COL18A1: variants seen among roughly 807,000 people sequenced by gnomAD.
The protein encoded by COL18A1 is collagen type XVIII alpha 1 chain, also known as collagen alpha-1(XVIII) chain.
Under a neutral mutation model 168.0 loss-of-function variants are expected in COL18A1, and 133 were observed. The ratio of observed to expected loss-of-function variants is 0.79; its 90% CI spans 0.69 to 0.91. COL18A1 has a LOEUF of 0.91. Among genes scored for constraint, COL18A1 ranks in the 40% least tolerant of loss-of-function variants. COL18A1 has a pLI of 0.00. For missense variants in COL18A1, 2,126 were observed against 1,925.4 expected (o/e 1.10, Z -1.95); for synonymous variants, 949 against 809.0 (o/e 1.17, Z -2.94).
At chr21:45,418,726 C>T (rs2123531964) in intron 2 of COL18A1, among the ~76,000 whole-genome samples, 1 of 150,556 alleles carries the variant, frequency 6.6e-6, no homozygotes, top group Admixed American at 6.6e-5. Context: ...CACGTCACTT[C>T]CTGGGGTCTC....
intron 2 of COL18A1, among the ~76,000 whole-genome samples, chr21:45,439,888 TGGGA>T (rs1569290332): frequency 6.6e-6 from 1 of 151,986 alleles, no homozygotes; most frequent in African/African-American, 2.4e-5. Flanking sequence ...TAGCAAGGAG[TGGGA>T]ACTAGGCCTG....
intron 9 of COL18A1, 100 bp downstream of exon 9, chr21:45,478,453 G>GCTGTAC: frequency 2.0e-6 from 3 of 1,501,936 alleles, no homozygotes; most frequent in Non-Finnish European, 2.8e-6. Context: ...GCGACCCAGT[G>GCTGTAC]AGGAGACTGT....
chr21:45,469,547 G>C (rs2035340873), intron 3 of COL18A1, among the ~76,000 whole-genome samples: 1 of 152,238 alleles, frequency 6.6e-6, no homozygotes, highest in Non-Finnish European at 1.5e-5. Context: ...CCTCCAGTGG[G>C]CCTTCATTTC....
chr21:45,448,387 A>G (rs1747024431), intron 2 of COL18A1, among the ~76,000 whole-genome samples: 1 of 152,206 alleles, frequency 6.6e-6, no homozygotes, highest in African/African-American at 2.4e-5. Flanking sequence ...CACATCCGTG[A>G]TGCATATCCA....
intron 15 of COL18A1, among the ~76,000 whole-genome samples, chr21:45,484,195 GCACA>G (rs141493268): frequency 2.0e-5 from 2 of 100,958 alleles, no homozygotes; most frequent in African/African-American, 1.0e-4. Context: ...CAGCATATGT[GCACA>G]CACACATAGG....
In COL18A1 at chr21:45,485,993, G is replaced by A. The variant is rs557887853; in HGVS notation, c.1702-868G>A. Reference sequence around the variant, plus strand: ...CGAGGCTCAGGGAGCTTGTGGCTGCGAGGAGAGGGGTGGTTCAGCTGGGCC... The same window carrying A: ...CGAGGCTCAGGGAGCTTGTGGCTGCAAGGAGAGGGGTGGTTCAGCTGGGCC... On this transcript the variant is annotated intron_variant, in intron 15 of 41. Transcript: ENST00000651438. Among the ~76,000 whole-genome samples, 577 of 152,324 alleles carry A rather than the reference G, an allele frequency of 3.8e-3. 4 individuals are homozygous for A. The highest frequency in any genetic ancestry group is 0.013 in the African/African-American group (535 of 41,572).
At position 45,498,560 on chromosome 21, in the gene COL18A1, G is replaced by A; in HGVS notation, c.2683+899G>A. 3 of 716,934 alleles carry A rather than the reference G, an allele frequency of 4.2e-6. No individual in the cohort carries two copies. In the South Asian group the frequency reaches 4.4e-5, roughly 11 times the overall value. The allele number at this position is 716,934 out of a possible 1,614,324, so 44.4% of individuals were successfully genotyped here. On this transcript the variant is annotated intron_variant, in intron 32 of 41. Transcript: ENST00000651438. The surrounding 1 kb of genome is among the most constrained non-coding windows in gnomAD (Gnocchi z 4.5). The stretch of plus-strand genomic sequence containing the variant: ...TCTTGCTGGGGCTGCACTCTGGGGT[G>A]GGAAGGGACCAGGCAGGCAGAGGCC...
At chr21:45,489,613 C>T in intron 19 of COL18A1, 92 bp downstream of exon 19, 3 of 774,488 alleles carry the variant, frequency 3.9e-6, no homozygotes, top group Non-Finnish European at 6.2e-6. Context: ...GGGCGGCCTT[C>T]CCCGCTCTTC....
intron 15 of COL18A1, among the ~76,000 whole-genome samples, chr21:45,484,068 T>TCTCCAGCATATGTACACACACACACACC: frequency 0.018 from 692 of 38,030 alleles, 246 homozygotes; most frequent in African/African-American, 0.088. Flanking sequence ...ACACACACAC[T>TCTCCAGCATATGTACACACACACACACC]TCTCCAGCAT....
chr21:45,481,993 C>T lies in COL18A1; in HGVS notation c.1642C>T (p.Pro548Ser), dbSNP rs370509732. Residue 548 changes from proline (P) to serine (S), a missense_variant, in exon 14 of 42, where the codon CCC becomes TCC. Physicochemically the swap from Pro to Ser is moderately conservative, Grantham distance 74 (BLOSUM62 -1). Coordinates refer to ENST00000651438, the MANE Select transcript of COL18A1 (RefSeq NM_001379500.1). ...CCCAGGCCCTCCGGGAAGAGAGGGG[C>T]CCCCAGGAAGGACTGGGCAGAAAGG... ...GPPGPPGREG[P>S]PGRTGQKGSL... is the part of the protein sequence containing the mutation. 3.7e-5 allele frequency: 59 copies of T among 1,613,240 alleles called. No homozygotes were observed. Among genetic ancestry groups the T allele is most frequent in the Non-Finnish European group, 4.9e-5 (58 of 1,179,388 alleles).
At chr21:45,439,276 G>A (rs2034302356) in intron 2 of COL18A1, among the ~76,000 whole-genome samples, 1 of 152,224 alleles carries the variant, frequency 6.6e-6, no homozygotes, top group Admixed American at 6.5e-5. Flanking sequence ...GACCGCCCGA[G>A]TGGCCGTGGT....
Position 45,468,825 on chromosome 21 carries a change from CTGGGA to C in COL18A1, c.651+44_651+48del, listed in dbSNP as rs141013119. 8,313 of 651,684 alleles carry C rather than the reference CTGGGA, an allele frequency of 0.013. 398 individuals carry two copies. Among genetic ancestry groups the C allele is most frequent in the African/African-American group, 0.12 (7,171 of 57,890 alleles). 40.4% of individuals were successfully genotyped at this position (651,684 alleles called of 1,614,324 possible). ...TGCCGTCGCTGGGGGACTGGAGCAG[CTGGGA>C]TGGGGTGGGGTGGGGGTGGCCACTG... On this transcript the variant is annotated intron_variant, in intron 3 of 41. Coordinates refer to ENST00000651438, the MANE Select transcript of COL18A1 (RefSeq NM_001379500.1).
chr21:45,478,102 T>G (rs2035747050), intron 8 of COL18A1, 137 bp downstream of exon 8: 1 of 737,546 alleles, frequency 1.4e-6, no homozygotes, highest in African/African-American at 1.7e-5. Flanking sequence ...AGGCCCACCG[T>G]TGCTCGGGGT....
At chr21:45,412,007 G>A (rs1004133) in intron 2 of COL18A1, among the ~76,000 whole-genome samples, 78,308 of 151,950 alleles carry the variant, frequency 0.52, 21,987 homozygotes, top group Non-Finnish European at 0.62. Context: ...CTCTGGGAAC[G>A]TGGCGTTCAC....
chr21:45,490,880 C>T lies in COL18A1; in HGVS notation c.2067+9C>T, dbSNP rs1224262323. The T allele has an allele frequency of 6.5e-6, 10 of 1,549,680 alleles. No individual in the cohort carries two copies. The South Asian group carries it at 8.3e-5, about 13-fold the overall frequency. ...GCAGCCGGGGAGAAAAGGTGAGTGT[C>T]CCTGGGGCGGGTGGATGGGGATGGG... On this transcript the variant is annotated intron_variant, in intron 21 of 41. Coordinates refer to ENST00000651438, the MANE Select transcript of COL18A1 (RefSeq NM_001379500.1).
intron 2 of COL18A1, among the ~76,000 whole-genome samples, chr21:45,438,839 G>C (rs112684719): frequency 1.3e-5 from 2 of 152,390 alleles, no homozygotes; most frequent in African/African-American, 4.8e-5. Flanking sequence ...AGAAAGTGAA[G>C]TTAGATGCCC....
At chr21:45,454,138 A>G (rs991011233) in intron 2 of COL18A1, among the ~76,000 whole-genome samples, 2 of 152,174 alleles carry the variant, frequency 1.3e-5, no homozygotes, top group African/African-American at 4.8e-5. Flanking sequence ...TTTTGGGAGC[A>G]CGGCCTCACT....
intron 2 of COL18A1, among the ~76,000 whole-genome samples, chr21:45,452,854 T>C (rs1168678449): frequency 9.8e-5 from 7 of 71,130 alleles, no homozygotes; most frequent in African/African-American, 2.2e-4. Flanking sequence ...TGTATGTATG[T>C]GTGGGGCTTG....
chr21:45,508,428 ATGGATGGTGGGTAAGTGGGTGAG>A (rs946560976), intron 38 of COL18A1, among the ~76,000 whole-genome samples: 52 of 115,770 alleles, frequency 4.5e-4, no homozygotes, highest in African/African-American at 1.5e-3. Flanking sequence ...GAATGGGTGG[ATGGATGGTGGGTAAGTGGGTGAG>A]TGGATGGGTG....
Sources: allele counts gnomAD v4.1 joint callset (sites outside exome capture counted in the v4.1 genomes callset), GRCh38; gene constraint gnomAD v4.1.1; non-coding constraint Gnocchi (gnomAD v3.1); transcripts MANE v1.5; gene names NCBI Gene and HGNC (gene_info 2026-07-23, HGNC 2026-07-21).